Variants in IMMP2L observed in about 807,000 individuals in gnomAD.
The protein encoded by IMMP2L is mitochondrial inner membrane protease subunit 2.
IMMP2L carries 18 observed loss-of-function variants against 19.3 expected under a neutral mutation model. That is an observed-to-expected ratio of 0.93 (90% CI 0.64 to 1.38). IMMP2L has a LOEUF of 1.38. IMMP2L is among the 40% of genes most tolerant of loss of function. IMMP2L has a pLI of 0.00. For synonymous variants in IMMP2L, 76 were observed against 73.0 expected (o/e 1.04, Z -0.21); for missense variants, 233 against 218.2 (o/e 1.07, Z -0.43).
intron 3 of IMMP2L, among the ~76,000 whole-genome samples, chr7:110,972,053 T>C (rs1379698186): frequency 6.6e-6 from 1 of 152,090 alleles, no homozygotes; most frequent in Non-Finnish European, 1.5e-5. Flanking sequence ...CCTAATGCTA[T>C]TGTTTTGCAA....
At chr7:111,470,678 A>T (rs1304825284) in intron 3 of IMMP2L, among the ~76,000 whole-genome samples, 4 of 138,940 alleles carry the variant, frequency 2.9e-5, no homozygotes, top group African/African-American at 1.0e-4. Context: ...GAACAATGAG[A>T]ACACATGGAC....
chr7:111,494,023 A>AT (rs1843367072), intron 2 of IMMP2L, among the ~76,000 whole-genome samples: 2 of 152,156 alleles, frequency 1.3e-5, no homozygotes, highest in South Asian at 2.1e-4. Flanking sequence ...AGAGCAAGCA[A>AT]TTTTTTCAAA....
intron 5 of IMMP2L, among the ~76,000 whole-genome samples, chr7:110,782,131 C>A (rs1367442038): frequency 1.3e-5 from 2 of 151,810 alleles, no homozygotes; most frequent in African/African-American, 4.8e-5. Flanking sequence ...CTCCTCTCAG[C>A]CTTACTTCAA....
intron 3 of IMMP2L, among the ~76,000 whole-genome samples, chr7:110,980,932 TTACTTAATTG>T (rs1431415769): frequency 6.6e-6 from 1 of 152,230 alleles, no homozygotes; most frequent in East Asian, 1.9e-4. Context: ...TGAACCAGTG[TTACTTAATTG>T]TAAATAATCA....
intron 5 of IMMP2L, among the ~76,000 whole-genome samples, chr7:110,826,337 G>C (rs1228834596): frequency 6.6e-6 from 1 of 152,138 alleles, no homozygotes; most frequent in Non-Finnish European, 1.5e-5. Context: ...CCATTACCGG[G>C]TATATACCCA....
chr7:111,354,959 A>C (rs982368288), intron 3 of IMMP2L, among the ~76,000 whole-genome samples: 1 of 151,926 alleles, frequency 6.6e-6, no homozygotes, highest in African/African-American at 2.4e-5. Context: ...GAATAAACAC[A>C]GCTATATAGG....
At chr7:111,074,837 G>A (rs962209382) in intron 3 of IMMP2L, among the ~76,000 whole-genome samples, 3 of 152,088 alleles carry the variant, frequency 2.0e-5, no homozygotes, top group African/African-American at 7.2e-5. Flanking sequence ...TTTTGGCTAC[G>A]ATCAAAAAAC....
intron 3 of IMMP2L, among the ~76,000 whole-genome samples, chr7:111,398,153 G>C (rs1340692099): frequency 6.6e-6 from 1 of 151,936 alleles, no homozygotes; most frequent in Non-Finnish European, 1.5e-5. Context: ...TTGGGGTGGA[G>C]GTGGTATTTG....
chr7:111,514,434 G>A (rs1845709141), intron 2 of IMMP2L, among the ~76,000 whole-genome samples: 1 of 151,836 alleles, frequency 6.6e-6, no homozygotes, highest in Non-Finnish European at 1.5e-5. Flanking sequence ...CGAGTTAATG[G>A]GTGTGGCACA....
At chr7:111,285,850 C>T (rs1272958011) in intron 3 of IMMP2L, among the ~76,000 whole-genome samples, 1 of 152,086 alleles carries the variant, frequency 6.6e-6, no homozygotes, top group African/African-American at 2.4e-5. Flanking sequence ...CACAGGGATA[C>T]TATTAAATAC....
At chr7:111,549,139 T>A (rs1218349222) in intron 1 of IMMP2L, among the ~76,000 whole-genome samples, 2 of 152,194 alleles carry the variant, frequency 1.3e-5, no homozygotes, top group Non-Finnish European at 2.9e-5. Context: ...TTTTTGGCAG[T>A]ATTGACTTGT....
At chr7:111,207,953 C>A (rs1046286100) in intron 3 of IMMP2L, among the ~76,000 whole-genome samples, 1 of 152,178 alleles carries the variant, frequency 6.6e-6, no homozygotes, top group African/African-American at 2.4e-5. Flanking sequence ...TCCATCCTCG[C>A]TGTACCCTAT....
intron 5 of IMMP2L, among the ~76,000 whole-genome samples, chr7:110,764,443 G>A (rs1351408782): frequency 2.0e-5 from 3 of 152,004 alleles, no homozygotes; most frequent in African/African-American, 7.2e-5. Flanking sequence ...GCACTATTCA[G>A]CCAAAAATAA....
chr7:110,962,989 T>A, intron 4 of IMMP2L: 1 of 1,491,016 alleles, frequency 6.7e-7, no homozygotes, highest in Non-Finnish European at 8.8e-7. Flanking sequence ...TACTAAAGGC[T>A]GCTTAAACAC....
At chr7:110,833,330 T>C (rs920542232) in intron 5 of IMMP2L, among the ~76,000 whole-genome samples, 2 of 149,784 alleles carry the variant, frequency 1.3e-5, no homozygotes, top group Non-Finnish European at 2.9e-5. Flanking sequence ...TCCCAGCTAC[T>C]CAAGAAGCTG....
At chr7:111,027,876 G>A (rs765446561) in intron 3 of IMMP2L, among the ~76,000 whole-genome samples, 2 of 151,852 alleles carry the variant, frequency 1.3e-5, no homozygotes, top group African/African-American at 2.4e-5. Flanking sequence ...AGACTAAAGC[G>A]GTATTATTGT....
At chr7:111,173,007 C>A (rs1806625978) in intron 3 of IMMP2L, among the ~76,000 whole-genome samples, 1 of 151,412 alleles carries the variant, frequency 6.6e-6, no homozygotes, top group Non-Finnish European at 1.5e-5. Context: ...TGCTATTGCA[C>A]CACATGCTAT....
chr7:110,836,299 G>C (rs374859482), intron 5 of IMMP2L, among the ~76,000 whole-genome samples: 2 of 152,084 alleles, frequency 1.3e-5, no homozygotes, highest in South Asian at 2.1e-4. Flanking sequence ...TCATAAATTG[G>C]GGGGGTGGTC....
At chr7:111,538,262 A>C (rs1471174264) in intron 1 of IMMP2L, among the ~76,000 whole-genome samples, 2 of 152,092 alleles carry the variant, frequency 1.3e-5, no homozygotes, top group African/African-American at 4.8e-5. Flanking sequence ...TTAGCTGTCC[A>C]TATAAACTAC....
Sources: allele counts gnomAD v4.1 joint callset (sites outside exome capture counted in the v4.1 genomes callset), GRCh38; gene constraint gnomAD v4.1.1; transcripts MANE v1.5; gene names NCBI Gene and HGNC (gene_info 2026-07-23, HGNC 2026-07-21).